The following CLVS1 variants were observed in gnomAD, a reference collection of about 807,000 sequenced individuals.
CLVS1 encodes clavesin-1.
In CLVS1, 10 loss-of-function variants were observed where a neutral mutation model predicts 33.1. That is an observed-to-expected ratio of 0.30 (90% CI 0.19 to 0.51). The LOEUF (loss-of-function observed/expected upper bound fraction) is 0.51, where lower values mean the gene tolerates loss of function less well. Ranked by LOEUF, CLVS1 falls within the 20% of genes least tolerant of loss-of-function variation. CLVS1 has a pLI of 0.97. For synonymous variants in CLVS1, 163 were observed against 166.1 expected (o/e 0.98, Z 0.14); for missense variants, 343 against 433.4 (o/e 0.79, Z 1.85).
intron 2 of CLVS1, among the ~76,000 whole-genome samples, chr8:61,266,293 C>CTTTT (rs35496534): frequency 7.2e-6 from 1 of 139,104 alleles, no homozygotes; most frequent in Non-Finnish European, 1.6e-5. Context: ...AATTTTCTTT[C>CTTTT]TTTTTTTTTT....
At chr8:61,386,894 A>G (rs1814106318) in intron 3 of CLVS1, among the ~76,000 whole-genome samples, 1 of 152,200 alleles carries the variant, frequency 6.6e-6, no homozygotes, top group Non-Finnish European at 1.5e-5. Flanking sequence ...GCAACAAACC[A>G]TCACTTCAAA....
intron 2 of CLVS1, among the ~76,000 whole-genome samples, chr8:61,245,059 T>C (rs1395675902): frequency 6.6e-6 from 1 of 152,194 alleles, no homozygotes; most frequent in East Asian, 1.9e-4. Flanking sequence ...ATGCCACTTT[T>C]TACTTTTAAC....
intron 1 of CLVS1, among the ~76,000 whole-genome samples, chr8:61,086,248 T>A (rs972362681): frequency 3.3e-5 from 5 of 151,542 alleles, no homozygotes; most frequent in Admixed American, 1.3e-4. Context: ...AATAAATAAA[T>A]AAAATGCATG....
intron 2 of CLVS1, among the ~76,000 whole-genome samples, chr8:61,233,276 C>T (rs867163713): frequency 6.6e-6 from 1 of 152,052 alleles, no homozygotes; most frequent in Non-Finnish European, 1.5e-5. Flanking sequence ...TTCAGGGCAT[C>T]GACACATTCT....
At chr8:61,355,318 A>T (rs1422189292) in intron 2 of CLVS1, among the ~76,000 whole-genome samples, 3 of 152,094 alleles carry the variant, frequency 2.0e-5, no homozygotes, top group Non-Finnish European at 2.9e-5. Flanking sequence ...AATATATAAA[A>T]TTTTTATTTG....
At chr8:61,069,386 T>C (rs1423928648) in intron 1 of CLVS1, among the ~76,000 whole-genome samples, 1 of 148,058 alleles carries the variant, frequency 6.8e-6, no homozygotes, top group Non-Finnish European at 1.5e-5. Context: ...TTTCTACTTT[T>C]TCCTTTCCTT....
At chr8:61,078,190 G>A (rs1477245857) in intron 1 of CLVS1, among the ~76,000 whole-genome samples, 1 of 152,258 alleles carries the variant, frequency 6.6e-6, no homozygotes, top group Non-Finnish European at 1.5e-5. Context: ...GGTATGGGCT[G>A]TGGGAAGGAG....
the CLVS1 span, among the ~76,000 whole-genome samples, chr8:60,992,386 G>T: frequency 6.6e-6 from 1 of 152,296 alleles, no homozygotes; most frequent in Admixed American, 6.5e-5. Context: ...AGATCATTTT[G>T]CCTGTGCATG....
chr8:61,321,027 T>G (rs935571486), intron 2 of CLVS1, among the ~76,000 whole-genome samples: 8 of 152,240 alleles, frequency 5.3e-5, no homozygotes, highest in Non-Finnish European at 1.2e-4. Context: ...TATAACCATT[T>G]AAAACATGCT....
chr8:61,399,893 T>C (rs1439510171), intron 3 of CLVS1, among the ~76,000 whole-genome samples: 1 of 152,188 alleles, frequency 6.6e-6, no homozygotes, highest in Admixed American at 6.5e-5. Context: ...CATTGCTCTA[T>C]GTGTCTGTTC....
intron 2 of CLVS1, among the ~76,000 whole-genome samples, chr8:61,330,664 C>T (rs1811559747): frequency 6.6e-6 from 1 of 152,196 alleles, no homozygotes; most frequent in African/African-American, 2.4e-5. Context: ...AGATGTACAT[C>T]ACTTCTCTTC....
chr8:61,148,506 G>A (rs1806461022), intron 2 of CLVS1, among the ~76,000 whole-genome samples: 1 of 152,188 alleles, frequency 6.6e-6, no homozygotes, highest in South Asian at 2.1e-4. Context: ...GGCTACTCGT[G>A]ATGAGGTTTT....
the CLVS1 span, among the ~76,000 whole-genome samples, chr8:61,018,112 A>G: frequency 2.0e-5 from 3 of 152,162 alleles, no homozygotes; most frequent in Non-Finnish European, 4.4e-5. Flanking sequence ...TCAATCTCAC[A>G]TCATTGGCAA....
At chr8:61,471,201 T>C (rs1302484707) in intron 5 of CLVS1, among the ~76,000 whole-genome samples, 1 of 152,236 alleles carries the variant, frequency 6.6e-6, no homozygotes, top group Non-Finnish European at 1.5e-5. Context: ...CTCAGCTTCC[T>C]TGACTACAGA....
At chr8:61,217,536 C>T (rs929207060) in intron 2 of CLVS1, among the ~76,000 whole-genome samples, 7 of 152,102 alleles carry the variant, frequency 4.6e-5, no homozygotes, top group East Asian at 3.8e-4. Flanking sequence ...TTCAATTAAA[C>T]GTGTATTATG....
intron 2 of CLVS1, among the ~76,000 whole-genome samples, chr8:61,363,533 A>G (rs1044316701): frequency 1.3e-5 from 2 of 152,192 alleles, no homozygotes; most frequent in African/African-American, 2.4e-5. Context: ...CCACTTTCAT[A>G]AAATAATTTC....
At chr8:61,357,722 G>T (rs1229112279) in intron 2 of CLVS1, among the ~76,000 whole-genome samples, 2 of 151,338 alleles carry the variant, frequency 1.3e-5, no homozygotes, top group Non-Finnish European at 2.9e-5. Flanking sequence ...GGCCAAGCTG[G>T]TCTTCAACTC....
chr8:61,001,216 G>A, the CLVS1 span, among the ~76,000 whole-genome samples: 7 of 152,148 alleles, frequency 4.6e-5, no homozygotes, highest in East Asian at 1.4e-3. Context: ...TGAACTCCTG[G>A]GCTCAAGTGA....
intron 5 of CLVS1, among the ~76,000 whole-genome samples, chr8:61,461,847 C>A (rs983730693): frequency 2.0e-5 from 3 of 152,154 alleles, no homozygotes; most frequent in Non-Finnish European, 2.9e-5. Context: ...TCTATGAGAA[C>A]CTTCTTCTCC....
Sources: gnomAD v4.1 joint callset for allele counts (sites outside exome capture counted in the v4.1 genomes callset) on GRCh38, gnomAD v4.1.1 for gene constraint, MANE v1.5 for transcripts, NCBI Gene and HGNC (gene_info 2026-07-23, HGNC 2026-07-21) for gene names.